The following USP6NL variants were observed in gnomAD, a reference collection of about 807,000 sequenced individuals.
USP6NL encodes USP6 N-terminal like.
A neutral mutation model predicts 61.9 loss-of-function variants in USP6NL; 26 were observed. That is an observed-to-expected ratio of 0.42 (90% CI 0.31 to 0.58). USP6NL has a LOEUF of 0.58. USP6NL is among the 20% of genes least tolerant of loss of function. The pLI is 0.16. For synonymous variants in USP6NL, 432 were observed against 390.1 expected (o/e 1.11, Z -1.27); for missense variants, 1,114 against 1,034.3 (o/e 1.08, Z -1.06).
At chr10:11,471,598 T>C (rs1832752272) in intron 14 of USP6NL, among the ~76,000 whole-genome samples, 1 of 152,084 alleles carries the variant, frequency 6.6e-6, no homozygotes, top group African/African-American at 2.4e-5. Flanking sequence ...AATGATAGAC[T>C]GGATTAAGAA....
chr10:11,531,253 C>T (rs540060627), intron 2 of USP6NL, among the ~76,000 whole-genome samples: 1 of 152,212 alleles, frequency 6.6e-6, no homozygotes, highest in African/African-American at 2.4e-5. Context: ...ATAATTGTAG[C>T]TGAAGAAAAA....
At chr10:11,484,948 T>C in intron 13 of USP6NL, 23 bp downstream of exon 13, 2 of 1,488,956 alleles carry the variant, frequency 1.3e-6, no homozygotes, top group Admixed American at 5.2e-5. Context: ...AATGAAATTT[T>C]AAGAGTTTAA....
At chr10:11,477,864 C>T (rs1320309858) in intron 14 of USP6NL, among the ~76,000 whole-genome samples, 1 of 152,028 alleles carries the variant, frequency 6.6e-6, no homozygotes, top group Non-Finnish European at 1.5e-5. Context: ...TCAAAAGGCA[C>T]TCAAAAAAAC....
intron 14 of USP6NL, among the ~76,000 whole-genome samples, chr10:11,466,164 T>G (rs1224278979): frequency 1.3e-5 from 2 of 152,206 alleles, no homozygotes; most frequent in African/African-American, 2.4e-5. Context: ...GCTTCCAAAG[T>G]GTTTTCCCTA....
rs1836385230 is a variant in USP6NL, at chr10:11,548,969, A to C, written c.5-21402T>G. On this transcript the variant is annotated intron_variant, in intron 2 of 14. Coordinates refer to ENST00000609104, the MANE Select transcript of USP6NL (RefSeq NM_014688.5). This position sits in a 1 kb window ranked among gnomAD's most constrained non-coding sequence, Gnocchi z 4.3. ...TCATAAACCATGATTTAATAAAACT[A>C]AGCTCGAATTCTGATTAGGATTAGC... Among the ~76,000 whole-genome samples the C allele has an allele frequency of 6.6e-6, 1 of 152,160 alleles. No individual in the cohort carries two copies. The highest frequency in any genetic ancestry group is 1.5e-5 in the Non-Finnish European group (1 of 68,010).
rs1473975817 is a variant in USP6NL, at chr10:11,585,644, C to T, written c.4+11987G>A. ...GGACACTGCACTCCAGCCTGGGAAA[C>T]AGAGTGAGACTCCATCTCAAAAATA... is the stretch of plus-strand genomic sequence containing the variant. On this transcript the variant is annotated intron_variant, in intron 2 of 14. Coordinates refer to ENST00000609104, the MANE Select transcript of USP6NL (RefSeq NM_014688.5). This position sits in a 1 kb window ranked among gnomAD's most constrained non-coding sequence, Gnocchi z 4.5. Among the ~76,000 whole-genome samples, 1 of 152,054 alleles carries T rather than the reference C, an allele frequency of 6.6e-6. No homozygotes were observed. Among genetic ancestry groups the T allele is most frequent in the East Asian group, 1.9e-4 (1 of 5,194 alleles).
rs1211701398 is a variant in USP6NL at position 11,525,126 on chromosome 10, CT to C, written c.155+259del. On this transcript the variant is annotated intron_variant, in intron 4 of 14. Transcript: ENST00000609104. The surrounding 1 kb of genome is among the most constrained non-coding windows in gnomAD (Gnocchi z 5.0). The stretch of plus-strand genomic sequence containing the variant: ...ACAAATTATCCATTTGCATTTAACT[CT>C]GTTGATTTATTAATATAACTCACCT... Among the ~76,000 whole-genome samples the C allele has an allele frequency of 6.6e-6, 1 of 152,098 alleles. No homozygotes were observed. The highest frequency in any genetic ancestry group is 6.5e-5 in the Admixed American group (1 of 15,272).
At chr10:11,549,983 A>G (rs1397683237) in intron 2 of USP6NL, among the ~76,000 whole-genome samples, 2 of 152,244 alleles carry the variant, frequency 1.3e-5, no homozygotes, top group Non-Finnish European at 2.9e-5. Flanking sequence ...TGCAAATGAT[A>G]GCAAGATTTC....
intron 2 of USP6NL, among the ~76,000 whole-genome samples, chr10:11,572,027 T>C (rs17150571): frequency 2.0e-5 from 3 of 151,592 alleles, no homozygotes; most frequent in African/African-American, 7.2e-5. Flanking sequence ...TATATCCACA[T>C]GATGTTTCCT....
chr10:11,582,348 G>A (rs562273069), intron 2 of USP6NL, among the ~76,000 whole-genome samples: 11 of 152,292 alleles, frequency 7.2e-5, no homozygotes, highest in East Asian at 5.8e-4. Context: ...TGATCCGCCC[G>A]CCTCAGTCTC....
chr10:11,543,461 G>A (rs1029065844), intron 2 of USP6NL, among the ~76,000 whole-genome samples: 1 of 151,994 alleles, frequency 6.6e-6, no homozygotes, highest in Non-Finnish European at 1.5e-5. Context: ...AGAATGGTTT[G>A]TACCCAGGAG....
intron 2 of USP6NL, among the ~76,000 whole-genome samples, chr10:11,567,943 G>A (rs1028921923): frequency 6.6e-6 from 1 of 151,976 alleles, no homozygotes; most frequent in Non-Finnish European, 1.5e-5. Flanking sequence ...ATCCAGGATC[G>A]AGACCTCTGT....
intron 7 of USP6NL, among the ~76,000 whole-genome samples, chr10:11,498,315 T>A (rs992177115): frequency 2.1e-5 from 3 of 143,838 alleles, no homozygotes; most frequent in Admixed American, 7.2e-5. Context: ...ACACTAAGGC[T>A]GTGGATGAAG....
At chr10:11,502,693 C>T (rs1392588513) in intron 6 of USP6NL, among the ~76,000 whole-genome samples, 1 of 152,170 alleles carries the variant, frequency 6.6e-6, no homozygotes, top group Non-Finnish European at 1.5e-5. Flanking sequence ...CATAAAGCAG[C>T]TTTAAGAAAC....
intron 14 of USP6NL, among the ~76,000 whole-genome samples, chr10:11,479,017 C>T (rs777254890): frequency 6.6e-6 from 1 of 151,984 alleles, no homozygotes; most frequent in Non-Finnish European, 1.5e-5. Context: ...GGAAAATAAG[C>T]AGAGCTGAGT....
At chr10:11,500,864 T>C (rs1834155301) in intron 7 of USP6NL, among the ~76,000 whole-genome samples, 1 of 152,214 alleles carries the variant, frequency 6.6e-6, no homozygotes, top group Admixed American at 6.5e-5. Flanking sequence ...TTTATGTATT[T>C]GAAAAGCACT....
At position 11,478,956 on chromosome 10, in the gene USP6NL, G is replaced by C. The variant is rs1306762768; in HGVS notation, c.1078+2814C>G. On this transcript the variant is annotated intron_variant, in intron 14 of 14. Coordinates refer to ENST00000609104, the MANE Select transcript of USP6NL (RefSeq NM_014688.5). The surrounding 1 kb of genome is among the most constrained non-coding windows in gnomAD (Gnocchi z 6.8). ...GCAGAGAGCAATGGAACAGAATAGAGTGCCAAAATGTAATGTAATAAATGC... is the reference window on the plus strand; with the variant it reads ...GCAGAGAGCAATGGAACAGAATAGACTGCCAAAATGTAATGTAATAAATGC... 7.2e-6 allele frequency among the ~76,000 whole-genome samples: 1 copy of C among 139,744 alleles called. No homozygotes were observed. The highest frequency in any genetic ancestry group is 1.6e-5 in the Non-Finnish European group (1 of 61,034). 91.7% of individuals were successfully genotyped at this position (139,744 alleles called of 152,430 possible).
intron 2 of USP6NL, among the ~76,000 whole-genome samples, chr10:11,593,250 G>GT (rs946998046): frequency 1.3e-5 from 2 of 152,044 alleles, no homozygotes; most frequent in Admixed American, 6.6e-5. Flanking sequence ...GCTAGTAAGT[G>GT]TTTTTTTGTT....
At chr10:11,535,871 G>A (rs1235898297) in intron 2 of USP6NL, among the ~76,000 whole-genome samples, 1 of 152,100 alleles carries the variant, frequency 6.6e-6, no homozygotes, top group East Asian at 1.9e-4. Context: ...CTGTACCACA[G>A]ATTAAGATAT....
Sources: allele counts gnomAD v4.1 joint callset (sites outside exome capture counted in the v4.1 genomes callset), GRCh38; gene constraint gnomAD v4.1.1; non-coding constraint Gnocchi (gnomAD v3.1); transcripts MANE v1.5; gene names NCBI Gene and HGNC (gene_info 2026-07-23, HGNC 2026-07-21).